The following COL26A1 variants were observed in gnomAD, a reference collection of about 807,000 sequenced individuals.
COL26A1 encodes collagen alpha-1(XXVI) chain.
A neutral mutation model predicts 59.3 loss-of-function variants in COL26A1; 41 were observed. The ratio of observed to expected loss-of-function variants is 0.69; its 90% CI spans 0.54 to 0.90. COL26A1 has a LOEUF of 0.90. COL26A1 is among the 40% of genes least tolerant of loss of function. The probability of loss-of-function intolerance (pLI) is 0.00; values close to 1 mark genes in which losing one functional copy is unlikely to be tolerated. For missense variants in COL26A1, 612 were observed against 602.3 expected (o/e 1.02, Z -0.17); for synonymous variants, 266 against 256.0 (o/e 1.04, Z -0.37).
intron 3 of COL26A1, among the ~76,000 whole-genome samples, chr7:101,496,102 GGCTTA>G (rs1238802519): frequency 1.3e-5 from 2 of 152,014 alleles, no homozygotes; most frequent in Non-Finnish European, 2.9e-5. Flanking sequence ...TAAAAAAGGC[GGCTTA>G]GCATGACTAG....
chr7:101,551,564 T>C (rs756790726), intron 10 of COL26A1, among the ~76,000 whole-genome samples: 84 of 152,238 alleles, frequency 5.5e-4, no homozygotes, highest in South Asian at 1.2e-3. Flanking sequence ...CTGACCAACA[T>C]GGTGAAACCC....
At chr7:101,539,312 GTGTGTGTGCGTA>G (rs1222333446) in intron 4 of COL26A1, among the ~76,000 whole-genome samples, 1 of 151,328 alleles carries the variant, frequency 6.6e-6, no homozygotes, top group Admixed American at 6.6e-5. Context: ...GTGTGTGTGT[GTGTGTGTGCGTA>G]TGTGTGTGTG....
chr7:101,408,199 G>C (rs761667446), intron 1 of COL26A1, among the ~76,000 whole-genome samples: 1 of 152,198 alleles, frequency 6.6e-6, no homozygotes, highest in Admixed American at 6.5e-5. Context: ...GTGTTTATTA[G>C]GGATGGCTTT....
intron 3 of COL26A1, among the ~76,000 whole-genome samples, chr7:101,462,687 C>T (rs62464276): frequency 0.44 from 67,016 of 151,796 alleles, 15,601 homozygotes; most frequent in Middle Eastern, 0.54. Flanking sequence ...AACAGTTCCC[C>T]GTACTGTTTA....
chr7:101,483,079 G>A (rs1323210060), intron 3 of COL26A1, among the ~76,000 whole-genome samples: 1 of 152,144 alleles, frequency 6.6e-6, no homozygotes, highest in Non-Finnish European at 1.5e-5. Context: ...CTTAACTGGT[G>A]CAAACAAATC....
chr7:101,362,947 GGTGCCGC>G lies in COL26A1; in HGVS notation c.-84_-78del. ...CGCTCCTCTCGCTGTGCTCCCGGCC[GGTGCCGC>G]GGGTTCGGTCCGGGCGCCGGTGCGC... On this transcript the variant is annotated 5_prime_UTR_variant, in exon 1 of 13. Coordinates refer to ENST00000313669, the MANE Select transcript of COL26A1 (RefSeq NM_001278563.3). The G allele has an allele frequency of 7.3e-6, 10 of 1,373,886 alleles. No homozygotes were observed. In the South Asian group the frequency reaches 1.4e-4, roughly 20 times the overall value. The allele number at this position is 1,373,886 out of a possible 1,614,324, so 85.1% of individuals were successfully genotyped here.
chr7:101,454,440 G>A lies in COL26A1; in HGVS notation c.385+6653G>A, dbSNP rs148190169. On this transcript the variant is annotated intron_variant, in intron 3 of 12. Coordinates refer to ENST00000313669, the MANE Select transcript of COL26A1 (RefSeq NM_001278563.3). ...CACCCAGCTAATTTTTGTATTTTTAGTAGAGACAGGGTTTCACTATGTTGG... is the reference window on the plus strand; with the variant it reads ...CACCCAGCTAATTTTTGTATTTTTAATAGAGACAGGGTTTCACTATGTTGG... 5.5e-3 allele frequency among the ~76,000 whole-genome samples: 836 copies of A among 151,910 alleles called. 6 individuals are homozygous for A. Among genetic ancestry groups the A allele is most frequent in the African/African-American group, 0.02 (811 of 41,426 alleles).
At chr7:101,442,073 C>A (rs1445014761) in intron 2 of COL26A1, among the ~76,000 whole-genome samples, 1 of 152,196 alleles carries the variant, frequency 6.6e-6, no homozygotes, top group Non-Finnish European at 1.5e-5. Flanking sequence ...AGGGAGGGAC[C>A]TGATTTTTTG....
chr7:101,432,336 T>C (rs1193794365), intron 2 of COL26A1, among the ~76,000 whole-genome samples: 1 of 152,164 alleles, frequency 6.6e-6, no homozygotes, highest in African/African-American at 2.4e-5. Context: ...TGATGGTGGC[T>C]CATGCTAGGG....
chr7:101,490,296 C>T (rs937903695), intron 3 of COL26A1, among the ~76,000 whole-genome samples: 3 of 152,058 alleles, frequency 2.0e-5, no homozygotes, highest in African/African-American at 7.2e-5. Context: ...AAGTTGGCCT[C>T]AAACTCCTGA....
intron 3 of COL26A1, among the ~76,000 whole-genome samples, chr7:101,506,385 T>C (rs1209239844): frequency 6.6e-6 from 1 of 152,218 alleles, no homozygotes; most frequent in Non-Finnish European, 1.5e-5. Context: ...TTTTATTTTG[T>C]TTTTGCCTTG....
intron 2 of COL26A1, among the ~76,000 whole-genome samples, chr7:101,435,679 G>C (rs554856343): frequency 6.6e-6 from 1 of 152,266 alleles, no homozygotes; most frequent in East Asian, 1.9e-4. Flanking sequence ...GGACGGGCTG[G>C]GGCTCTGGGG....
intron 3 of COL26A1, among the ~76,000 whole-genome samples, chr7:101,528,035 G>T (rs972718140): frequency 6.6e-6 from 1 of 152,128 alleles, no homozygotes; most frequent in Non-Finnish European, 1.5e-5. Context: ...TGAAAATCCC[G>T]TCCGGTTCTG....
intron 7 of COL26A1, among the ~76,000 whole-genome samples, chr7:101,546,732 G>A (rs953514415): frequency 5.9e-5 from 9 of 152,118 alleles, no homozygotes; most frequent in African/African-American, 1.9e-4. Flanking sequence ...CAGTGTGGTC[G>A]CCATGATGTA....
intron 3 of COL26A1, among the ~76,000 whole-genome samples, chr7:101,457,971 AT>A (rs1793518652): frequency 6.8e-6 from 1 of 146,328 alleles, no homozygotes; most frequent in Admixed American, 7.2e-5. Context: ...ATCTCGGCTC[AT>A]TGCAACCTCC....
At chr7:101,440,824 A>C (rs531924746) in intron 2 of COL26A1, among the ~76,000 whole-genome samples, 1 of 152,126 alleles carries the variant, frequency 6.6e-6, no homozygotes, top group South Asian at 2.1e-4. Context: ...AAATTAGCTA[A>C]AATTAGGTTA....
At chr7:101,492,247 GATAAAA>G (rs1794476516) in intron 3 of COL26A1, among the ~76,000 whole-genome samples, 1 of 152,158 alleles carries the variant, frequency 6.6e-6, no homozygotes, top group Non-Finnish European at 1.5e-5. Flanking sequence ...AAAAGCAATA[GATAAAA>G]ATAATAGCAA....
chr7:101,480,568 C>T (rs1180945035), intron 3 of COL26A1, among the ~76,000 whole-genome samples: 1 of 152,042 alleles, frequency 6.6e-6, no homozygotes, highest in African/African-American at 2.4e-5. Flanking sequence ...TAGTGCAATC[C>T]TGGCTTACCA....
At chr7:101,408,381 C>T (rs1048720395) in intron 1 of COL26A1, among the ~76,000 whole-genome samples, 3 of 152,194 alleles carry the variant, frequency 2.0e-5, no homozygotes, top group Non-Finnish European at 2.9e-5. Context: ...AGTGCGCCTC[C>T]ACCAGTCACA....
Sources: allele counts gnomAD v4.1 joint callset (sites outside exome capture counted in the v4.1 genomes callset), GRCh38; gene constraint gnomAD v4.1.1; transcripts MANE v1.5; gene names NCBI Gene and HGNC (gene_info 2026-07-23, HGNC 2026-07-21).